Variants in TACC2 observed in about 807,000 individuals in gnomAD.
The protein encoded by TACC2 is transforming acidic coiled-coil-containing protein 2.
In TACC2, 137 loss-of-function variants were observed where a neutral mutation model predicts 227.3. The observed-to-expected ratio is 0.60, with a 90% CI of 0.52 to 0.69. The LOEUF is 0.69. Among genes scored for constraint, TACC2 ranks in the 30% least tolerant of loss-of-function variants. TACC2 has a pLI of 0.00. For synonymous variants in TACC2, 1,523 were observed against 1,487.5 expected (o/e 1.02, Z -0.55); for missense variants, 3,470 against 3,694.4 (o/e 0.94, Z 1.57).
chr10:122,020,706 C>A (rs1460989504), intron 1 of TACC2, among the ~76,000 whole-genome samples: 1 of 152,108 alleles, frequency 6.6e-6, no homozygotes, highest in Non-Finnish European at 1.5e-5. Flanking sequence ...AGCTCCTTAC[C>A]TTTTCCAGCC....
chr10:122,152,780 C>T (rs942537340), intron 7 of TACC2, among the ~76,000 whole-genome samples: 9 of 152,136 alleles, frequency 5.9e-5, no homozygotes, highest in African/African-American at 2.2e-4. Context: ...ACTGTTGCAG[C>T]ACTGTTTGGC....
rs757057983 is a variant in TACC2 at position 122,083,661 on chromosome 10, A to T, written c.1161A>T (p.Gln387His). 1.2e-6 allele frequency: 2 copies of T among 1,611,456 alleles called. No homozygotes were observed. Among genetic ancestry groups the T allele is most frequent in the South Asian group, 2.2e-5 (2 of 91,082 alleles). The change falls in exon 4 of 23, where the codon CAA becomes CAT. Residue 387 changes from glutamine (Q) to histidine (H), a missense_variant. Gln to His is a conservative substitution (Grantham distance 24, BLOSUM62 0). Transcript: ENST00000369005. ...QTGMRGTKPN[Q>H]VVCVAAGGQP... ...GGATGCGAGGAACCAAGCCCAATCA[A>T]GTTGTCTGTGTGGCAGCAGGCGGCC...
chr10:122,050,518 G>T lies in TACC2; in HGVS notation c.114G>T (p.Thr38=). 1.2e-6 allele frequency: 2 copies of T among 1,614,016 alleles called. No individual in the cohort carries two copies. The highest frequency in any genetic ancestry group is 1.1e-5 in the South Asian group (1 of 91,058). The change falls in exon 3 of 23, where the codon ACG becomes ACT. Residue 38 remains threonine, a synonymous_variant. Transcript: ENST00000369005. The surrounding 1 kb of genome is among the most constrained non-coding windows in gnomAD (Gnocchi z 4.6). ...SQNIKRKQQD[T]PGSPDHRDAS... is the part of the protein sequence containing the mutation. ...ATATAAAAAGGAAGCAGCAGGACAC[G>T]CCCGGAAGCCCTGACCACAGAGACG...
chr10:122,069,706 G>A (rs2077818420), intron 3 of TACC2, among the ~76,000 whole-genome samples: 1 of 152,134 alleles, frequency 6.6e-6, no homozygotes, highest in Non-Finnish European at 1.5e-5. Flanking sequence ...GTATCAAGTT[G>A]CTTTCTTGGG....
chr10:122,118,466 C>A (rs947351904), intron 5 of TACC2, among the ~76,000 whole-genome samples: 1 of 152,224 alleles, frequency 6.6e-6, no homozygotes, highest in Non-Finnish European at 1.5e-5. Context: ...CGTCATTGCT[C>A]TCTGCATCCT....
intron 5 of TACC2, chr10:122,088,875 C>G: frequency 1.2e-6 from 1 of 851,308 alleles, no homozygotes; most frequent in South Asian, 1.8e-5. Flanking sequence ...AATCCCAACA[C>G]TTTGGGAGGT....
chr10:122,215,913 C>T (rs1189381168), intron 10 of TACC2, among the ~76,000 whole-genome samples: 1 of 152,208 alleles, frequency 6.6e-6, no homozygotes, highest in Non-Finnish European at 1.5e-5. Context: ...ATTAGAGTCC[C>T]TCTTACCAGT....
rs987235120 is a variant in TACC2, at chr10:122,150,345, G to A, written c.5834+6639G>A. Among the ~76,000 whole-genome samples, 11 of 152,248 alleles carry A rather than the reference G, an allele frequency of 7.2e-5. No individual in the cohort carries two copies. The highest frequency in any genetic ancestry group is 3.9e-4 in the Admixed American group (6 of 15,288). Reference sequence around the variant, plus strand: ...GCTGGACGTGCTCAGCACAGCACTGGTGGGTGGAAGGTTCCAGGGCAGTGT... The same window carrying A: ...GCTGGACGTGCTCAGCACAGCACTGATGGGTGGAAGGTTCCAGGGCAGTGT... On this transcript the variant is annotated intron_variant, in intron 7 of 22. Transcript: ENST00000369005. The surrounding 1 kb of genome is among the most constrained non-coding windows in gnomAD (Gnocchi z 4.0).
chr10:122,200,219 C>T (rs1239145322), intron 8 of TACC2, among the ~76,000 whole-genome samples: 1 of 152,244 alleles, frequency 6.6e-6, no homozygotes, highest in Non-Finnish European at 1.5e-5. Context: ...TGGCACTGCA[C>T]CTGGGGGCCC....
At chr10:122,132,293 C>G (rs1484695312) in intron 5 of TACC2, among the ~76,000 whole-genome samples, 1 of 152,184 alleles carries the variant, frequency 6.6e-6, no homozygotes, top group African/African-American at 2.4e-5. Context: ...CGCCTGTAAT[C>G]CCCACACTTT....
At chr10:122,215,215 T>C (rs1016474272) in intron 9 of TACC2, among the ~76,000 whole-genome samples, 176 bp from the exon 10 acceptor site, 2 of 152,122 alleles carry the variant, frequency 1.3e-5, no homozygotes, top group Non-Finnish European at 2.9e-5. Context: ...TAATAGCTGT[T>C]AAAAAGTGAG....
At chr10:122,227,449 G>C (rs1373526348) in intron 13 of TACC2, among the ~76,000 whole-genome samples, 1 of 152,218 alleles carries the variant, frequency 6.6e-6, no homozygotes, top group East Asian at 1.9e-4. Flanking sequence ...GTGGCACCAG[G>C]TGACAGGTAC....
chr10:122,127,369 A>C (rs2087089816), intron 5 of TACC2, among the ~76,000 whole-genome samples: 1 of 152,188 alleles, frequency 6.6e-6, no homozygotes, highest in Admixed American at 6.5e-5. Flanking sequence ...ACAGAACTGA[A>C]GATGTGGGCT....
chr10:121,997,095 A>G (rs576108440), intron 1 of TACC2, among the ~76,000 whole-genome samples: 5 of 152,140 alleles, frequency 3.3e-5, no homozygotes, highest in African/African-American at 4.8e-5. Flanking sequence ...TGCTGCAGAG[A>G]GGCTGAAAGA....
chr10:122,001,738 A>T (rs1380708928), intron 1 of TACC2, among the ~76,000 whole-genome samples: 1 of 152,170 alleles, frequency 6.6e-6, no homozygotes, highest in Non-Finnish European at 1.5e-5. Flanking sequence ...CTTTTGGTTG[A>T]TATGTCTCTC....
chr10:122,237,448 C>T lies in TACC2; in HGVS notation c.8181C>T (p.Ser2727=). Reference sequence around the variant, plus strand: ...CCATCTCCAAAACAGCCTTGTACTCCCGCATCGGGACCGCTGAGGTGGAGA... The same window carrying T: ...CCATCTCCAAAACAGCCTTGTACTCTCGCATCGGGACCGCTGAGGTGGAGA... The part of the protein sequence containing the change: ...DVSISKTALY[S]RIGTAEVEKP... Residue 2727 remains serine, a synonymous_variant, in exon 17 of 23, where the codon TCC becomes TCT. Transcript: ENST00000369005. The T allele has an allele frequency of 6.2e-7, 1 of 1,614,144 alleles. No homozygotes were observed. The highest frequency in any genetic ancestry group is 1.1e-5 in the South Asian group (1 of 91,072).
intron 7 of TACC2, among the ~76,000 whole-genome samples, chr10:122,172,180 C>T (rs2093504996): frequency 6.6e-6 from 1 of 152,176 alleles, no homozygotes; most frequent in Non-Finnish European, 1.5e-5. Flanking sequence ...GGGATATGAC[C>T]CATGACTCCT....
intron 5 of TACC2, among the ~76,000 whole-genome samples, chr10:122,091,355 A>G (rs1053560292): frequency 2.0e-5 from 3 of 152,192 alleles, no homozygotes; most frequent in Admixed American, 1.3e-4. Flanking sequence ...TATTACTAAA[A>G]TCAACTTCAC....
chr10:122,099,800 T>C (rs1401788618), intron 5 of TACC2, among the ~76,000 whole-genome samples: 2 of 152,240 alleles, frequency 1.3e-5, no homozygotes, highest in Admixed American at 6.5e-5. Context: ...CTGCAGGGTT[T>C]AGTTTTGTTT....
Sources: allele counts gnomAD v4.1 joint callset (sites outside exome capture counted in the v4.1 genomes callset), GRCh38; gene constraint gnomAD v4.1.1; non-coding constraint Gnocchi (gnomAD v3.1); transcripts MANE v1.5; gene names NCBI Gene and HGNC (gene_info 2026-07-23, HGNC 2026-07-21).